MPP4: variants seen among roughly 807,000 people sequenced by gnomAD.
MPP4 encodes the protein MAGUK p55 scaffold protein 4.
A neutral mutation model predicts 98.3 loss-of-function variants in MPP4; 91 were observed. The ratio of observed to expected loss-of-function variants is 0.93; its 90% confidence interval spans 0.78 to 1.10. The LOEUF is 1.10. Among genes scored for constraint, MPP4 ranks in the 50% least tolerant of loss-of-function variants. The probability of loss-of-function intolerance (pLI) is 0.00; values close to 1 mark genes in which losing one functional copy is unlikely to be tolerated. For missense variants in MPP4, 744 were observed against 792.9 expected (o/e 0.94, Z 0.74); for synonymous variants, 261 against 271.8 (o/e 0.96, Z 0.39).
At chr2:201,682,292 T>C (rs780948094) in intron 8 of MPP4, among the ~76,000 whole-genome samples, 16 of 152,246 alleles carry the variant, frequency 1.1e-4, no homozygotes, top group Admixed American at 3.3e-4. Context: ...TTACAAAGGA[T>C]TTAGGTGCTT....
chr2:201,657,950 C>A (rs1687904174), intron 16 of MPP4, among the ~76,000 whole-genome samples: 1 of 151,436 alleles, frequency 6.6e-6, no homozygotes, highest in African/African-American at 2.4e-5. Flanking sequence ...AAAGGTGGCC[C>A]CTTGTTTTTT....
In MPP4 at chr2:201,697,687, C is replaced by T. The variant is rs932267300; in HGVS notation, c.-101+900G>A. On this transcript the variant is annotated intron_variant, in intron 1 of 21. Transcript: ENST00000409474. ...GCTGAACTCCAGAGGCCTGTGCCCT[C>T]CCTTCCTTTCCTCCCTGGCCTGGTA... is the stretch of plus-strand genomic sequence containing the variant. Among the ~76,000 whole-genome samples the T allele has an allele frequency of 2.0e-5, 3 of 152,290 alleles. No homozygotes were observed. In the East Asian group the frequency reaches 5.8e-4, roughly 29 times the overall value.
At chr2:201,687,520 TC>T (rs1246633110) in intron 4 of MPP4, 149 bp from the exon 5 acceptor site, 24 of 606,238 alleles carry the variant, frequency 4.0e-5, no homozygotes, top group Admixed American at 1.8e-4. Context: ...TATAAAGCCA[TC>T]CATTAAAGCC....
intron 12 of MPP4, among the ~76,000 whole-genome samples, chr2:201,669,286 T>C (rs1181476089): frequency 6.6e-6 from 1 of 152,194 alleles, no homozygotes; most frequent in African/African-American, 2.4e-5. Flanking sequence ...TGCTGACAAC[T>C]GTTCTTACCT....
intron 16 of MPP4, among the ~76,000 whole-genome samples, chr2:201,658,175 A>G (rs901732291): frequency 6.0e-4 from 91 of 152,250 alleles, no homozygotes; most frequent in Non-Finnish European, 8.8e-5. Context: ...GTAAGTTTAA[A>G]AGTCAGAGAC....
intron 12 of MPP4, among the ~76,000 whole-genome samples, chr2:201,668,477 C>CTCTTCCTCTCT (rs1553493949): frequency 1.4e-5 from 2 of 146,832 alleles, no homozygotes; most frequent in African/African-American, 5.1e-5. Flanking sequence ...CTCTTCTCTT[C>CTCTTCCTCTCT]CTCTCTCTCT....
intron 10 of MPP4, chr2:201,680,215 C>A (rs1688626612): frequency 6.6e-6 from 1 of 152,168 alleles, no homozygotes; most frequent in African/African-American, 2.4e-5. Context: ...AAGATGAATC[C>A]TTTTTTGTCT....
At chr2:201,671,488 G>T (rs915649627) in intron 11 of MPP4, among the ~76,000 whole-genome samples, 1 of 152,144 alleles carries the variant, frequency 6.6e-6, no homozygotes, top group African/African-American at 2.4e-5. Flanking sequence ...CCATCGGTGT[G>T]CTGTATTCAG....
At chr2:201,646,791 T>A (rs1369201776) in intron 21 of MPP4, 1 of 152,204 alleles carries the variant, frequency 6.6e-6, no homozygotes, top group African/African-American at 2.4e-5. Flanking sequence ...AAGCATGACA[T>A]ACAAATATTT....
At chr2:201,648,639 C>G (rs1044192035) in intron 20 of MPP4, among the ~76,000 whole-genome samples, 5 of 152,150 alleles carry the variant, frequency 3.3e-5, no homozygotes, top group Admixed American at 1.3e-4. Context: ...CAAAGACAGA[C>G]TCTCAAGGTG....
At chr2:201,652,010 T>C in intron 18 of MPP4, 9 of 975,100 alleles carry the variant, frequency 9.2e-6, no homozygotes, top group Non-Finnish European at 1.1e-5. Context: ...GTTGATTTCT[T>C]TGGTAGTTTT....
chr2:201,669,435 C>G (rs182946901), intron 12 of MPP4, among the ~76,000 whole-genome samples: 1 of 152,232 alleles, frequency 6.6e-6, no homozygotes, highest in East Asian at 1.9e-4. Flanking sequence ...TGAGTTCTTG[C>G]CATACGCTAT....
At chr2:201,673,596 T>A in intron 11 of MPP4, 1 of 188,280 alleles carries the variant, frequency 5.3e-6, no homozygotes, top group Non-Finnish European at 1.1e-5. Flanking sequence ...AGATGTTAAG[T>A]TTAAAAAAAT....
In MPP4 at chr2:201,645,198, A is replaced by T. The variant is rs1421862941; in HGVS notation, c.*12T>A. On this transcript the variant is annotated 3_prime_UTR_variant, in exon 22 of 22. Coordinates refer to ENST00000409474, the MANE Select transcript of MPP4 (RefSeq NM_033066.3). The stretch of plus-strand genomic sequence containing the variant: ...GGTACAGTGTTAAAACTCCAGCATT[A>T]AACAAGAAGTCTCATTGAGACTCAG... 6.2e-7 allele frequency: 1 copy of T among 1,603,364 alleles called. No homozygotes were observed. The highest frequency in any genetic ancestry group is 2.2e-5 in the East Asian group (1 of 44,736).
chr2:201,649,645 G>A lies in MPP4; in HGVS notation c.1515C>T (p.Gly505=). 6.2e-7 allele frequency: 1 copy of A among 1,611,074 alleles called. No homozygotes were observed. Among genetic ancestry groups the A allele is most frequent in the Non-Finnish European group, 8.5e-7 (1 of 1,178,696 alleles). Reference sequence around the variant, plus strand: ...CTGTTTGAACAGCATCCACACTAGTGCCATACAGGTGGCCTTTGTACTCAC... The same window carrying A: ...CTGTTTGAACAGCATCCACACTAGTACCATACAGGTGGCCTTTGTACTCAC... The part of the protein sequence containing the change: ...EYGEYKGHLY[G]TSVDAVQTVL... The change falls in exon 20 of 22, where the codon GGC becomes GGT. Residue 505 remains glycine, a synonymous_variant. Transcript: ENST00000409474.
intron 20 of MPP4, among the ~76,000 whole-genome samples, chr2:201,649,237 T>C (rs1329181303): frequency 6.6e-6 from 1 of 152,162 alleles, no homozygotes; most frequent in Non-Finnish European, 1.5e-5. Context: ...TATGACAACA[T>C]AGAAACCTCA....
chr2:201,656,457 T>C, intron 16 of MPP4, 89 bp from the exon 17 acceptor site: 1 of 1,258,222 alleles, frequency 7.9e-7, no homozygotes, highest in Non-Finnish European at 1.1e-6. Context: ...GCAACCATGA[T>C]CCTAAAGTGT....
chr2:201,694,537 G>C (rs916186562), intron 1 of MPP4, among the ~76,000 whole-genome samples: 2 of 140,778 alleles, frequency 1.4e-5, no homozygotes, highest in African/African-American at 2.6e-5. Flanking sequence ...CTGTTGTTTT[G>C]TTTTGTTTCT....
intron 17 of MPP4, among the ~76,000 whole-genome samples, chr2:201,655,881 G>T (rs183272879): frequency 6.6e-6 from 1 of 151,904 alleles, no homozygotes; most frequent in African/African-American, 2.4e-5. Context: ...TCTGTCTGGG[G>T]AAACACTCAT....
Sources: gnomAD v4.1 joint callset for allele counts (sites outside exome capture counted in the v4.1 genomes callset) on GRCh38, gnomAD v4.1.1 for gene constraint, MANE v1.5 for transcripts, NCBI Gene and HGNC (gene_info 2026-07-23, HGNC 2026-07-21) for gene names.